SLC28A3: variants seen among roughly 807,000 people sequenced by gnomAD.
SLC28A3 encodes concentrative Na(+)-nucleoside cotransporter 3.
A neutral mutation model predicts 84.2 loss-of-function variants in SLC28A3; 68 were observed. The observed-to-expected ratio is 0.81, with a 90% CI of 0.66 to 0.99. The LOEUF (loss-of-function observed/expected upper bound fraction) is 0.99, where lower values mean the gene tolerates loss of function less well. SLC28A3 is among the 50% of genes least tolerant of loss of function. SLC28A3 has a pLI of 0.00. For missense variants in SLC28A3, 712 were observed against 841.5 expected (o/e 0.85, Z 1.90); for synonymous variants, 267 against 303.6 (o/e 0.88, Z 1.25).
intron 1 of SLC28A3, among the ~76,000 whole-genome samples, chr9:84,330,258 A>G (rs1826727412): frequency 6.6e-6 from 1 of 152,184 alleles, no homozygotes; most frequent in African/African-American, 2.4e-5. Context: ...AAAAGAAACC[A>G]AGGAAAAAAA....
upstream of SLC28A3, among the ~76,000 whole-genome samples, chr9:84,342,861 T>G (rs28860532): frequency 0.059 from 8,936 of 152,140 alleles, 509 homozygotes; most frequent in East Asian, 0.2. Flanking sequence ...GGAACAAAAT[T>G]CCTTTAAAAC....
chr9:84,332,260 T>A (rs1826817115), intron 1 of SLC28A3, among the ~76,000 whole-genome samples: 1 of 152,068 alleles, frequency 6.6e-6, no homozygotes, highest in South Asian at 2.1e-4. Flanking sequence ...TTTGGGACAA[T>A]ATGGGAGGAA....
chr9:84,364,194 G>A, the SLC28A3 span, among the ~76,000 whole-genome samples: 2 of 146,938 alleles, frequency 1.4e-5, no homozygotes, highest in Non-Finnish European at 3.0e-5. Flanking sequence ...GCACGATCTC[G>A]GCTCACTTCA....
intron 12 of SLC28A3, among the ~76,000 whole-genome samples, chr9:84,287,838 AG>A (rs1564148098): frequency 6.6e-6 from 1 of 152,184 alleles, no homozygotes; most frequent in Non-Finnish European, 1.5e-5. Context: ...TGAGTGACAG[AG>A]CAACTTTAAA....
chr9:84,356,153 G>A, the SLC28A3 span, among the ~76,000 whole-genome samples: 76 of 152,172 alleles, frequency 5.0e-4, no homozygotes, highest in African/African-American at 1.6e-3. Flanking sequence ...AACTATTGTC[G>A]TAATAGCCAT....
At position 84,276,851 on chromosome 9, in the gene SLC28A3, TTAAGG is replaced by T. The variant is rs1307104252; in HGVS notation, c.*1362_*1366del. On this transcript the variant is annotated 3_prime_UTR_variant, in exon 18 of 18. Coordinates refer to ENST00000376238, the MANE Select transcript of SLC28A3 (RefSeq NM_001199633.2). ...GAAAAATAGAAACAAAATAAATTACTTAAGGTATTTCAAAACCTTTTTCACATTCA... is the reference window on the plus strand; with the variant it reads ...GAAAAATAGAAACAAAATAAATTACTTATTTCAAAACCTTTTTCACATTCA... 3 of 152,254 alleles carry T rather than the reference TTAAGG, an allele frequency of 2.0e-5. No homozygotes were observed. Among genetic ancestry groups the T allele is most frequent in the Non-Finnish European group, 4.4e-5 (3 of 68,046 alleles). 9.4% of individuals were successfully genotyped at this position (152,254 alleles called of 1,614,324 possible).
chr9:84,363,128 T>C, the SLC28A3 span, among the ~76,000 whole-genome samples: 9 of 152,216 alleles, frequency 5.9e-5, no homozygotes, highest in African/African-American at 2.2e-4. Context: ...TTCAAGTTCA[T>C]AAACCCTTAA....
the SLC28A3 span, among the ~76,000 whole-genome samples, chr9:84,346,735 G>A: frequency 3.9e-5 from 6 of 152,148 alleles, no homozygotes; most frequent in Non-Finnish European, 7.4e-5. Context: ...TTGCAGTTAG[G>A]TTTTTTCCCT....
rs2118102646 is a variant in SLC28A3, at chr9:84,286,039, A to G, written c.1353T>C (p.Ala451=). ...GGGCCAGGAAGGCAATCAGATTCAC[A>G]GCGATGTTGGCCACCAGGGAGATGG... is the stretch of plus-strand genomic sequence containing the variant. The part of the protein sequence containing the change: ...SSSISLVANI[A]VNLIAFLALL... The change falls in exon 13 of 18, where the codon GCT becomes GCC. Residue 451 remains alanine (A), a synonymous_variant. Transcript: ENST00000376238. The G allele has an allele frequency of 8.1e-6, 13 of 1,614,166 alleles. No individual in the cohort carries two copies. The highest frequency in any genetic ancestry group is 1.1e-5 in the Non-Finnish European group (13 of 1,180,000).
chr9:84,290,146 A>T lies in SLC28A3; in HGVS notation c.1149+8T>A. On this transcript the variant is annotated splice_region_variant and intron_variant, in intron 11 of 17. Coordinates refer to ENST00000376238, the MANE Select transcript of SLC28A3 (RefSeq NM_001199633.2). Reference sequence around the variant, plus strand: ...GTTGGTGTTTTCATAATTCCAAAACATTCTTACCCCAAAAGAAATGTATGC... The same window carrying T: ...GTTGGTGTTTTCATAATTCCAAAACTTTCTTACCCCAAAAGAAATGTATGC... The T allele has an allele frequency of 6.2e-7, 1 of 1,612,660 alleles. No individual in the cohort carries two copies. The highest frequency in any genetic ancestry group is 8.5e-7 in the Non-Finnish European group (1 of 1,179,324).
chr9:84,351,419 G>A, the SLC28A3 span, among the ~76,000 whole-genome samples: 3 of 152,332 alleles, frequency 2.0e-5, no homozygotes, highest in South Asian at 6.2e-4. Flanking sequence ...AGCACTTTGT[G>A]AGGCAGAGAT....
At chr9:84,367,507 A>G in the SLC28A3 span, among the ~76,000 whole-genome samples, 1 of 152,178 alleles carries the variant, frequency 6.6e-6, no homozygotes, top group African/African-American at 2.4e-5. Context: ...AGAGACTGAG[A>G]AAAGAAATAA....
chr9:84,285,819 T>G, intron 13 of SLC28A3, 124 bp downstream of exon 13: 5 of 1,176,062 alleles, frequency 4.3e-6, no homozygotes, highest in South Asian at 1.6e-5. Context: ...GGGGGATGCA[T>G]GAGAAGCTTC....
chr9:84,306,994 C>CAAAA (rs150442323), intron 3 of SLC28A3, among the ~76,000 whole-genome samples: 6 of 25,936 alleles, frequency 2.3e-4, no homozygotes, highest in South Asian at 2.1e-3. Flanking sequence ...CTTGTCTCTA[C>CAAAA]AAAAAAAAAA....
intron 14 of SLC28A3, among the ~76,000 whole-genome samples, chr9:84,281,557 G>A (rs1824750140): frequency 6.6e-6 from 1 of 152,208 alleles, no homozygotes; most frequent in African/African-American, 2.4e-5. Context: ...GACACAGTCT[G>A]TTTGTGAAAC....
At chr9:84,280,703 G>T in intron 15 of SLC28A3, 98 bp downstream of exon 15, 1 of 1,155,854 alleles carries the variant, frequency 8.7e-7, no homozygotes, top group Non-Finnish European at 1.3e-6. Context: ...CTGTTGCAAA[G>T]GCCTTTGTTT....
the SLC28A3 span, among the ~76,000 whole-genome samples, chr9:84,363,153 T>C: frequency 6.6e-6 from 1 of 152,118 alleles, no homozygotes; most frequent in Non-Finnish European, 1.5e-5. Context: ...TATTTAAAGC[T>C]ATGGAACATG....
the SLC28A3 span, among the ~76,000 whole-genome samples, chr9:84,356,789 C>A: frequency 1.3e-5 from 2 of 151,844 alleles, no homozygotes; most frequent in African/African-American, 4.8e-5. Context: ...TGAGATCACG[C>A]CACTGCACTC....
chr9:84,337,169 C>T (rs1396317943), intron 1 of SLC28A3, among the ~76,000 whole-genome samples: 1 of 152,182 alleles, frequency 6.6e-6, no homozygotes, highest in African/African-American at 2.4e-5. Flanking sequence ...GTGCAAACCT[C>T]CGCCATTTTC....
Sources: gnomAD v4.1 joint callset for allele counts (sites outside exome capture counted in the v4.1 genomes callset) on GRCh38, gnomAD v4.1.1 for gene constraint, MANE v1.5 for transcripts, NCBI Gene and HGNC (gene_info 2026-07-23, HGNC 2026-07-21) for gene names.